The following BCL9 variants were observed in gnomAD, a reference collection of about 807,000 sequenced individuals.
BCL9 encodes the protein B-cell CLL/lymphoma 9 protein.
Under a neutral mutation model 88.5 loss-of-function variants are expected in BCL9, and 25 were observed. That is an observed-to-expected ratio of 0.28 (90% CI 0.21 to 0.39). The LOEUF is 0.39. Ranked by LOEUF, BCL9 falls within the 10% of genes least tolerant of loss-of-function variation. The pLI, the probability that BCL9 is intolerant of heterozygous loss-of-function variation, is 1.00. For missense variants in BCL9, 1,817 were observed against 1,877.8 expected, an observed-to-expected ratio of 0.97 and a Z score of 0.60; for synonymous variants, 711 against 673.3, an observed-to-expected ratio of 1.06 and a Z score of -0.87.
intron 1 of BCL9, among the ~76,000 whole-genome samples, chr1:147,547,929 TA>T (rs1175009822): frequency 2.6e-5 from 4 of 152,222 alleles, no homozygotes; most frequent in African/African-American, 9.6e-5. Flanking sequence ...TCTAAGTAGT[TA>T]TCAAAAGTAT....
At position 147,624,121 on chromosome 1, in the gene BCL9, C is replaced by A. The variant is rs1446960016; in HGVS notation, c.3443C>A (p.Pro1148Gln). The A allele has an allele frequency of 6.9e-6, 11 of 1,597,996 alleles. No individual in the cohort carries two copies. Among genetic ancestry groups the A allele is most frequent in the South Asian group, 5.6e-5 (5 of 88,860 alleles). ...PQGFPPVQSPPQQVPFPHNGP... is the reference protein window; with the variant it reads ...PQGFPPVQSPQQQVPFPHNGP... ...GGCTTCCCTCCAGTACAGTCTCCCC[C>A]ACAGCAGGTTCCATTCCCTCACAAT... Residue 1148 changes from proline (P) to glutamine (Q), a missense_variant, in exon 10 of 10, where the codon CCA becomes CAA. Physicochemically the swap from Pro to Gln is moderately conservative, Grantham distance 76 (BLOSUM62 -1). Transcript: ENST00000234739. This position sits in a 1 kb window ranked among gnomAD's most constrained non-coding sequence, Gnocchi z 4.4.
At chr1:147,587,623 C>G (rs1228258556) in intron 1 of BCL9, among the ~76,000 whole-genome samples, 1 of 152,136 alleles carries the variant, frequency 6.6e-6, no homozygotes, top group African/African-American at 2.4e-5. Context: ...TGCTAAACAA[C>G]CTCATTTAAG....
At chr1:147,551,484 G>A (rs1425441682) in intron 1 of BCL9, among the ~76,000 whole-genome samples, 1 of 152,156 alleles carries the variant, frequency 6.6e-6, no homozygotes, top group Non-Finnish European at 1.5e-5. Context: ...TTTTGGATAG[G>A]GTACTGTTAC....
At chr1:147,564,984 T>C (rs782069138) in intron 1 of BCL9, among the ~76,000 whole-genome samples, 4 of 152,096 alleles carry the variant, frequency 2.6e-5, no homozygotes, top group Non-Finnish European at 5.9e-5. Context: ...ACTCAATAGC[T>C]ACATGTAACT....
chr1:147,576,488 C>T (rs1404738597), intron 1 of BCL9, among the ~76,000 whole-genome samples: 1 of 152,214 alleles, frequency 6.6e-6, no homozygotes, highest in Non-Finnish European at 1.5e-5. Context: ...AAATTCACTA[C>T]ATAGAAACCA....
At chr1:147,603,085 T>G (rs1657485190) in intron 1 of BCL9, among the ~76,000 whole-genome samples, 1 of 152,236 alleles carries the variant, frequency 6.6e-6, no homozygotes, top group South Asian at 2.1e-4. Context: ...AATGAGAGAT[T>G]ATGTAGCCCA....
At chr1:147,560,903 G>A (rs1557824773) in intron 1 of BCL9, among the ~76,000 whole-genome samples, 1 of 152,158 alleles carries the variant, frequency 6.6e-6, no homozygotes, top group Non-Finnish European at 1.5e-5. Flanking sequence ...GGACACCTAG[G>A]TATCCTCTTA....
At chr1:147,575,011 T>A (rs1553197914) in intron 1 of BCL9, among the ~76,000 whole-genome samples, 3 of 152,234 alleles carry the variant, frequency 2.0e-5, no homozygotes, top group Non-Finnish European at 4.4e-5. Context: ...CTTTGAGGGC[T>A]GACTCATATA....
chr1:147,584,196 C>T (rs587709512), intron 1 of BCL9, among the ~76,000 whole-genome samples: 5 of 151,928 alleles, frequency 3.3e-5, no homozygotes, highest in Admixed American at 1.3e-4. Flanking sequence ...TACAGGCGCA[C>T]GCCACCACAC....
In BCL9 at chr1:147,620,790, C is replaced by T. The variant is rs2101622119; in HGVS notation, c.2635C>T (p.Pro879Ser). ...AGTCCAGTCACCAATGCTGGGCTCG[C>T]CCTCGGGGAACCTCAAGTCCCCCCA... ...HQVQSPMLGSPSGNLKSPQTP... is the reference protein window; with the variant it reads ...HQVQSPMLGSSSGNLKSPQTP... The change falls in exon 8 of 10, where the codon CCC (proline) becomes TCC (serine). Residue 879 changes from proline to serine, a missense_variant. This residue lies in a region of BCL9 where 1,228 missense variants were observed against 1,191.6 expected (regional missense o/e 1.03). Coordinates refer to ENST00000234739, the MANE Select transcript of BCL9 (RefSeq NM_004326.4). 6.2e-7 allele frequency: 1 copy of T among 1,614,132 alleles called. No individual in the cohort carries two copies. Among genetic ancestry groups the T allele is most frequent in the East Asian group, 2.2e-5 (1 of 44,882 alleles).
At chr1:147,566,844 G>GT (rs1336126736) in intron 1 of BCL9, among the ~76,000 whole-genome samples, 11 of 152,188 alleles carry the variant, frequency 7.2e-5, no homozygotes, top group African/African-American at 2.7e-4. Flanking sequence ...GTTTGTTTAT[G>GT]TTTAAGATAC....
At chr1:147,600,989 A>C (rs1353193149) in intron 1 of BCL9, among the ~76,000 whole-genome samples, 1 of 152,150 alleles carries the variant, frequency 6.6e-6, no homozygotes, top group Non-Finnish European at 1.5e-5. Context: ...AGCCTGGTGA[A>C]ATGGAGATAT....
Position 147,613,118 on chromosome 1 carries a change from G to A in BCL9, c.289G>A (p.Gly97Arg). The A allele has an allele frequency of 6.2e-7, 1 of 1,614,194 alleles. No individual in the cohort carries two copies. Among genetic ancestry groups the A allele is most frequent in the Non-Finnish European group, 8.5e-7 (1 of 1,180,036 alleles). ...GGCTGGAAATGGTGCCAAGGGCAAG[G>A]GGAAAAGGGAGCGAAGTATTTCCGC... ...NGAGNGAKGK[G>R]KRERSISADS... Residue 97 changes from glycine to arginine, a missense_variant, in exon 5 of 10, where the codon GGG becomes AGG. This residue lies in a region of BCL9 where 1,228 missense variants were observed against 1,191.6 expected (regional missense o/e 1.03). Coordinates refer to ENST00000234739, the MANE Select transcript of BCL9 (RefSeq NM_004326.4).
chr1:147,605,677 T>C (rs1553201903), intron 2 of BCL9, among the ~76,000 whole-genome samples: 1 of 152,216 alleles, frequency 6.6e-6, no homozygotes. Context: ...TTTCTCCACA[T>C]GTTGGGGAAA....
rs996956342 is a variant in BCL9, at chr1:147,613,193, A to G, written c.364A>G (p.Ile122Val). 6.2e-7 allele frequency: 1 copy of G among 1,614,190 alleles called. No homozygotes were observed. Among genetic ancestry groups the G allele is most frequent in the Non-Finnish European group, 8.5e-7 (1 of 1,180,026 alleles). ...DPGTPNDDSD[I>V]KECNSADHIK... ...TGGGACTCCAAACGATGACTCTGAC[A>G]TTAAAGGTATGTCTATAAGATCTTT... The change falls in exon 5 of 10, where the codon ATT becomes GTT. Residue 122 changes from isoleucine (I) to valine (V), a missense_variant. This residue lies in a region of BCL9 where 1,228 missense variants were observed against 1,191.6 expected (regional missense o/e 1.03). Transcript: ENST00000234739.
chr1:147,589,713 C>T (rs1553199695), intron 1 of BCL9, among the ~76,000 whole-genome samples: 1 of 152,150 alleles, frequency 6.6e-6, no homozygotes, highest in Admixed American at 6.5e-5. Flanking sequence ...GGATAGACCA[C>T]GTTTTATTTA....
At chr1:147,570,185 T>C in intron 1 of BCL9, among the ~76,000 whole-genome samples, 1 of 152,150 alleles carries the variant, frequency 6.6e-6, no homozygotes, top group East Asian at 1.9e-4. Context: ...AAGCAGCAAT[T>C]GAAACTATGG....
intron 1 of BCL9, among the ~76,000 whole-genome samples, chr1:147,596,978 G>A (rs1189042983): frequency 6.6e-6 from 1 of 152,116 alleles, no homozygotes; most frequent in East Asian, 1.9e-4. Flanking sequence ...ACCTTTGTTA[G>A]TCTTGGTTTC....
chr1:147,543,826 C>T (rs1000044846), intron 1 of BCL9, among the ~76,000 whole-genome samples: 13 of 152,062 alleles, frequency 8.5e-5, no homozygotes, highest in African/African-American at 1.4e-4. Flanking sequence ...GTCTTCATGC[C>T]GGGTACCCTT....
Sources: gnomAD v4.1 joint callset for allele counts (sites outside exome capture counted in the v4.1 genomes callset) on GRCh38, gnomAD v4.1.1 for gene constraint, gnomAD v4.1.1 regional missense constraint, Gnocchi (gnomAD v3.1) non-coding constraint, MANE v1.5 for transcripts, NCBI Gene and HGNC (gene_info 2026-07-23, HGNC 2026-07-21) for gene names.